The following ADAMTS18 variants were observed in gnomAD, a reference collection of about 807,000 sequenced individuals.
ADAMTS18 encodes the protein ADAM metallopeptidase with thrombospondin type 1 motif 18, also known as A disintegrin and metalloproteinase with thrombospondin motifs 18.
A neutral mutation model predicts 165.9 loss-of-function variants in ADAMTS18; 157 were observed. The ratio of observed to expected loss-of-function variants is 0.95; its 90% confidence interval spans 0.83 to 1.08. The LOEUF is 1.08. Ranked by LOEUF, ADAMTS18 falls within the 50% of genes least tolerant of loss-of-function variation. ADAMTS18 has a pLI of 0.00. For missense variants in ADAMTS18, 2,040 were observed against 1,534.0 expected (o/e 1.33, Z -5.51); for synonymous variants, 782 against 578.2 (o/e 1.35, Z -5.06).
Position 77,284,052 on chromosome 16 carries a change from A to G in ADAMTS18, c.3570T>C (p.Asp1190=), listed in dbSNP as rs780825293. The part of the protein sequence containing the change: ...PEKREDPSCV[D]FFNWCHLVPQ... ...GAACTAGGTGACACCAGTTGAAGAA[A>G]TCTACGCAGGATGGATCCTCTAAAA... The change falls in exon 23 of 23, where the codon GAT becomes GAC. Residue 1190 remains aspartate, a synonymous_variant. Transcript: ENST00000282849. The G allele has an allele frequency of 2.1e-5, 34 of 1,612,990 alleles. No individual in the cohort carries two copies. Among genetic ancestry groups the G allele is most frequent in the Middle Eastern group, 1.6e-4 (1 of 6,076 alleles).
chr16:77,309,653 C>T (rs2055744620), intron 16 of ADAMTS18, among the ~76,000 whole-genome samples: 1 of 152,204 alleles, frequency 6.6e-6, no homozygotes, highest in Non-Finnish European at 1.5e-5. Flanking sequence ...TAACCAGAAG[C>T]AGAAGACACT....
intron 3 of ADAMTS18, among the ~76,000 whole-genome samples, chr16:77,425,316 G>C (rs953173892): frequency 6.6e-6 from 1 of 152,160 alleles, no homozygotes; most frequent in African/African-American, 2.4e-5. Context: ...GATGCATCAG[G>C]AATTGAGGCT....
chr16:77,292,964 C>T (rs1034121014), intron 20 of ADAMTS18, 112 bp downstream of exon 20: 234 of 1,328,410 alleles, frequency 1.8e-4, no homozygotes, highest in Middle Eastern at 1.5e-3. Flanking sequence ...AGACTACAGG[C>T]GCCTGCCACC....
At position 77,434,774 on chromosome 16, in the gene ADAMTS18, G is replaced by A; in HGVS notation, c.-79C>T. The A allele has an allele frequency of 8.2e-7, 1 of 1,218,906 alleles. No individual in the cohort carries two copies. The highest frequency in any genetic ancestry group is 1.1e-6 in the Non-Finnish European group (1 of 950,226). 75.5% of individuals were successfully genotyped at this position (1,218,906 alleles called of 1,614,324 possible). A position where few individuals can be genotyped will look rare whatever the true frequency, so the allele number is the denominator to read the frequency against. ...ACGGGCGGCGCGCATTCTTTCCGCG[G>A]CCCCGGAGCTCGGCGCCCCAGGTGC... On this transcript the variant is annotated 5_prime_UTR_variant, in exon 1 of 23. Coordinates refer to ENST00000282849, the MANE Select transcript of ADAMTS18 (RefSeq NM_199355.4).
Position 77,359,437 on chromosome 16 carries a change from A to T in ADAMTS18, c.1217-14T>A. 6.2e-7 allele frequency: 1 copy of T among 1,604,462 alleles called. No individual in the cohort carries two copies. The highest frequency in any genetic ancestry group is 1.1e-5 in the South Asian group (1 of 90,024). ...TGGGGGCAAACCCTATTGAAAGAGC[A>T]GTTTCAAATGTGAATCCAAAGGTTG... On this transcript the variant is annotated splice_polypyrimidine_tract_variant and intron_variant, in intron 7 of 22. Transcript: ENST00000282849.
intron 3 of ADAMTS18, among the ~76,000 whole-genome samples, chr16:77,426,472 G>A (rs933635799): frequency 3.3e-5 from 5 of 152,284 alleles, no homozygotes; most frequent in Admixed American, 2.6e-4. Flanking sequence ...ACAGCTCAGA[G>A]AGGTTGCATT....
At chr16:77,419,515 C>T (rs1026916781) in intron 3 of ADAMTS18, among the ~76,000 whole-genome samples, 1 of 152,128 alleles carries the variant, frequency 6.6e-6, no homozygotes, top group South Asian at 2.1e-4. Context: ...GACTTCTTCT[C>T]CTCTCTTTGA....
intron 12 of ADAMTS18, among the ~76,000 whole-genome samples, chr16:77,326,782 G>A (rs1428751478): frequency 2.6e-5 from 4 of 152,184 alleles, no homozygotes; most frequent in East Asian, 1.9e-4. Context: ...GTTAAATTGC[G>A]TCTCGCAGGG....
At chr16:77,372,117 T>C (rs1320576213) in intron 3 of ADAMTS18, among the ~76,000 whole-genome samples, 1 of 152,014 alleles carries the variant, frequency 6.6e-6, no homozygotes, top group African/African-American at 2.4e-5. Context: ...ACAATGACAA[T>C]AAATGCTAGC....
At chr16:77,307,165 T>C (rs2055696780) in intron 16 of ADAMTS18, among the ~76,000 whole-genome samples, 1 of 152,252 alleles carries the variant, frequency 6.6e-6, no homozygotes, top group Non-Finnish European at 1.5e-5. Flanking sequence ...TGAAATATAA[T>C]AGACTTTATT....
intron 3 of ADAMTS18, among the ~76,000 whole-genome samples, chr16:77,386,257 C>T (rs1315128171): frequency 1.3e-5 from 2 of 152,272 alleles, no homozygotes; most frequent in South Asian, 4.1e-4. Context: ...TCATCATCAA[C>T]CTGGCTGACC....
intron 3 of ADAMTS18, among the ~76,000 whole-genome samples, chr16:77,368,302 A>T (rs958990732): frequency 1.3e-5 from 2 of 152,232 alleles, no homozygotes; most frequent in African/African-American, 2.4e-5. Context: ...TTGTGCCTGA[A>T]GGGCTGAGCC....
At position 77,426,361 on chromosome 16, in the gene ADAMTS18, A is replaced by C. The variant is rs116039437; in HGVS notation, c.495+4934T>G. 8.5e-3 allele frequency among the ~76,000 whole-genome samples: 1,293 copies of C among 152,218 alleles called. 20 individuals are homozygous for C. Among genetic ancestry groups the C allele is most frequent in the African/African-American group, 0.029 (1,209 of 41,528 alleles). On this transcript the variant is annotated intron_variant, in intron 3 of 22. Coordinates refer to ENST00000282849, the MANE Select transcript of ADAMTS18 (RefSeq NM_199355.4). ...ATGCTCCTTGGAAAAAAAAAATTTC[A>C]TTGGCCAAAGAAGTTAGGGAAACTA... is the stretch of plus-strand genomic sequence containing the variant.
At position 77,359,197 on chromosome 16, in the gene ADAMTS18, C is replaced by G. The variant is rs986422553; in HGVS notation, c.1322+121G>C. 1.0e-5 allele frequency: 9 copies of G among 896,598 alleles called. No individual in the cohort carries two copies. In the African/African-American group the frequency reaches 1.5e-4, roughly 15 times the overall value. The allele number at this position is 896,598 out of a possible 1,614,324, so 55.5% of individuals were successfully genotyped here. ...GCCCTTTGTATAGTCAGAAACTATT[C>G]TAAGCTTTACACAAGACTGATCCTC... On this transcript the variant is annotated intron_variant, in intron 8 of 22. Transcript: ENST00000282849.
intron 11 of ADAMTS18, among the ~76,000 whole-genome samples, chr16:77,336,733 C>T (rs2056316638): frequency 1.3e-5 from 2 of 152,176 alleles, no homozygotes; most frequent in South Asian, 4.1e-4. Flanking sequence ...GGTCATCTCT[C>T]CCTAGGGGAT....
chr16:77,349,628 A>G (rs1291034662), intron 10 of ADAMTS18, among the ~76,000 whole-genome samples: 1 of 151,626 alleles, frequency 6.6e-6, no homozygotes, highest in African/African-American at 2.4e-5. Context: ...TGTACTTCTC[A>G]ATTTCCCGCC....
At chr16:77,326,084 C>G in intron 12 of ADAMTS18, 46 bp from the exon 13 acceptor site, 22 of 1,563,302 alleles carry the variant, frequency 1.4e-5, no homozygotes, top group Non-Finnish European at 1.9e-5. Context: ...TCAAAGGGCT[C>G]ATTATTAGTC....
At chr16:77,434,387 C>T (rs1327870985) in intron 2 of ADAMTS18, 31 bp downstream of exon 2, 6 of 1,552,242 alleles carry the variant, frequency 3.9e-6, no homozygotes, top group South Asian at 1.2e-5. Context: ...CTGCGAAAGG[C>T]CCTTCTTGGG....
chr16:77,386,317 C>T (rs1055213659), intron 3 of ADAMTS18, among the ~76,000 whole-genome samples: 3 of 152,134 alleles, frequency 2.0e-5, no homozygotes. Flanking sequence ...CTTTAGGATC[C>T]AAATTTCTAA....
Sources: allele counts gnomAD v4.1 joint callset (sites outside exome capture counted in the v4.1 genomes callset), GRCh38; gene constraint gnomAD v4.1.1; transcripts MANE v1.5; gene names NCBI Gene and HGNC (gene_info 2026-07-23, HGNC 2026-07-21).